LACTB2: variants seen among roughly 807,000 people sequenced by gnomAD.
The protein encoded by LACTB2 is endoribonuclease LACTB2.
Under a neutral mutation model 34.8 loss-of-function variants are expected in LACTB2, and 32 were observed. The ratio of observed to expected loss-of-function variants is 0.92; its 90% confidence interval spans 0.69 to 1.24. The LOEUF is 1.24. Ranked by LOEUF, LACTB2 falls within the 50% of genes most tolerant of loss-of-function variation. The pLI, the probability that LACTB2 is intolerant of heterozygous loss-of-function variation, is 0.00. For synonymous variants in LACTB2, 120 were observed against 117.5 expected (o/e 1.02, Z -0.14); for missense variants, 320 against 345.0 (o/e 0.93, Z 0.57).
intron 1 of LACTB2, 135 bp from the exon 2 acceptor site, chr8:70,662,032 T>C (rs1818486975): frequency 1.5e-6 from 1 of 683,716 alleles, no homozygotes; most frequent in East Asian, 2.9e-5. Flanking sequence ...ACCAGCTACA[T>C]CACTTCAGCT....
intron 6 of LACTB2, among the ~76,000 whole-genome samples, chr8:70,638,127 T>C (rs1353831440): frequency 6.6e-6 from 1 of 152,242 alleles, no homozygotes; most frequent in Non-Finnish European, 1.5e-5. Context: ...TAAAGATTAT[T>C]AGTTTGACAA....
intron 3 of LACTB2, among the ~76,000 whole-genome samples, chr8:70,648,588 A>C (rs1818296098): frequency 2.0e-5 from 3 of 152,130 alleles, no homozygotes; most frequent in Admixed American, 2.0e-4. Context: ...AAAAAAATAA[A>C]GTTAGAGTAG....
At chr8:70,649,774 C>G (rs1367533153) in intron 3 of LACTB2, among the ~76,000 whole-genome samples, 1 of 152,162 alleles carries the variant, frequency 6.6e-6, no homozygotes, top group East Asian at 1.9e-4. Context: ...TCCCTAGACG[C>G]AACCACTTTC....
At chr8:70,639,909 C>T (rs138609091) in intron 5 of LACTB2, among the ~76,000 whole-genome samples, 10,489 of 152,128 alleles carry the variant, frequency 0.069, 414 homozygotes, top group Non-Finnish European at 0.078. Flanking sequence ...TTGTGGTGAG[C>T]CAAGATGGCG....
At chr8:70,638,742 AC>A in intron 5 of LACTB2, 113 bp from the exon 6 acceptor site, 2 of 919,334 alleles carry the variant, frequency 2.2e-6, no homozygotes, top group Non-Finnish European at 2.9e-6. Context: ...TATCTTAAAC[AC>A]ATTTTTTTTT....
Position 70,661,964 on chromosome 8 carries a change from A to G in LACTB2, c.123-67T>C, listed in dbSNP as rs1818485713. ...CGTTGACATTAGCATTATTTTGCAC[A>G]CAGATAATTTACATTAAAGAAACTG... On this transcript the variant is annotated intron_variant, in intron 1 of 6. Transcript: ENST00000276590. 8 of 1,352,772 alleles carry G rather than the reference A, an allele frequency of 5.9e-6. No individual in the cohort carries two copies. The Middle Eastern group carries it at 5.7e-4, about 96-fold the overall frequency. The allele number at this position is 1,352,772 out of a possible 1,614,324, so 83.8% of individuals were successfully genotyped here. A position where few individuals can be genotyped will look rare whatever the true frequency, so the allele number is the denominator to read the frequency against.
intron 3 of LACTB2, among the ~76,000 whole-genome samples, chr8:70,648,099 C>T (rs1414251324): frequency 6.6e-6 from 1 of 152,152 alleles, no homozygotes; most frequent in Non-Finnish European, 1.5e-5. Flanking sequence ...GGAAGAAAGA[C>T]TCTACGATAC....
At chr8:70,656,630 G>T (rs776165194) in intron 3 of LACTB2, among the ~76,000 whole-genome samples, 1 of 152,124 alleles carries the variant, frequency 6.6e-6, no homozygotes, top group Non-Finnish European at 1.5e-5. Context: ...CTCCAGATTT[G>T]TTCTTTTTGC....
At chr8:70,639,824 T>C (rs1435659509) in intron 5 of LACTB2, among the ~76,000 whole-genome samples, 1 of 151,796 alleles carries the variant, frequency 6.6e-6, no homozygotes, top group African/African-American at 2.4e-5. Flanking sequence ...TAGCTGGGTA[T>C]GGTGGCACAT....
In LACTB2 at chr8:70,640,942, T is replaced by A; in HGVS notation, c.701A>T (p.Lys234Ile). The A allele has an allele frequency of 5.6e-6, 9 of 1,607,196 alleles. No individual in the cohort carries two copies. Among genetic ancestry groups the A allele is most frequent in the Non-Finnish European group, 7.6e-6 (9 of 1,177,718 alleles). ...ILTLFRENFE[K>I]SFTVMELVKI... ...TACAAGCTCCATTACTGTAAATGAT[T>A]TCTCAAAGTTCTCACGAAATAATGT... is the stretch of plus-strand genomic sequence containing the variant. Residue 234 changes from lysine (K) to isoleucine (I), a missense_variant, in exon 5 of 7, where the codon AAA becomes ATA. Coordinates refer to ENST00000276590, the MANE Select transcript of LACTB2 (RefSeq NM_016027.3).
At chr8:70,657,905 A>G in intron 2 of LACTB2, 23 bp from the exon 3 acceptor site, 5 of 1,506,644 alleles carry the variant, frequency 3.3e-6, no homozygotes, top group Non-Finnish European at 4.5e-6. Context: ...CATATAAAAT[A>G]TATTAATTCA....
At chr8:70,659,944 C>A (rs1818461411) in intron 2 of LACTB2, among the ~76,000 whole-genome samples, 1 of 152,156 alleles carries the variant, frequency 6.6e-6, no homozygotes, top group Middle Eastern at 3.4e-3. Flanking sequence ...TTAAAACTCA[C>A]TAAACTGTTC....
intron 2 of LACTB2, chr8:70,661,071 C>A: frequency 2.2e-6 from 1 of 454,530 alleles, no homozygotes; most frequent in South Asian, 1.6e-5. Context: ...TGAGCCACTG[C>A]ACCCAGCCTG....
chr8:70,668,926 C>A (rs917733238), intron 1 of LACTB2, 73 bp downstream of exon 1: 7 of 1,537,338 alleles, frequency 4.6e-6, no homozygotes, highest in Non-Finnish European at 5.3e-6. Context: ...ACTGCCCGCG[C>A]AGCCGCGATC....
chr8:70,643,941 C>T, intron 4 of LACTB2, 124 bp downstream of exon 4: 4 of 989,892 alleles, frequency 4.0e-6, no homozygotes, highest in Non-Finnish European at 5.4e-6. Flanking sequence ...ATACCCAGCG[C>T]TTTGGGAGGT....
At chr8:70,640,773 G>A in intron 5 of LACTB2, 129 bp downstream of exon 5, 1 of 1,098,808 alleles carries the variant, frequency 9.1e-7, no homozygotes, top group Non-Finnish European at 1.2e-6. Flanking sequence ...AGTTTAGGCT[G>A]CTGGTCTCAA....
At chr8:70,647,042 C>A (rs1818272313) in intron 3 of LACTB2, among the ~76,000 whole-genome samples, 1 of 152,162 alleles carries the variant, frequency 6.6e-6, no homozygotes, top group Admixed American at 6.5e-5. Flanking sequence ...ACACAAATTA[C>A]ATTTAATCCT....
intron 3 of LACTB2, among the ~76,000 whole-genome samples, chr8:70,655,064 C>T (rs1232754947): frequency 1.3e-5 from 2 of 152,046 alleles, no homozygotes; most frequent in African/African-American, 4.8e-5. Context: ...CCCCAAAGTC[C>T]ATTGTATTGT....
chr8:70,660,324 G>A (rs2132079297), intron 2 of LACTB2: 1 of 298,276 alleles, frequency 3.4e-6, no homozygotes, highest in East Asian at 9.5e-5. Context: ...ATTAAAAGAG[G>A]TAAGACAAGA....
Sources: gnomAD v4.1 joint callset for allele counts (sites outside exome capture counted in the v4.1 genomes callset) on GRCh38, gnomAD v4.1.1 for gene constraint, MANE v1.5 for transcripts, NCBI Gene and HGNC (gene_info 2026-07-23, HGNC 2026-07-21) for gene names.